The following AIFM2 variants were observed in gnomAD, a reference collection of about 807,000 sequenced individuals.
AIFM2 encodes ferroptosis suppressor protein 1.
A neutral mutation model predicts 35.7 loss-of-function variants in AIFM2; 38 were observed. The ratio of observed to expected loss-of-function variants is 1.06; its 90% CI spans 0.82 to 1.39. AIFM2 has a LOEUF of 1.39. Among genes scored for constraint, AIFM2 ranks in the 40% most tolerant of loss-of-function variants. AIFM2 has a pLI of 0.00. For synonymous variants in AIFM2, 185 were observed against 203.5 expected, an observed-to-expected ratio of 0.91 and a Z score of 0.77; for missense variants, 476 against 491.2, an observed-to-expected ratio of 0.97 and a Z score of 0.29.
intron 1 of AIFM2, among the ~76,000 whole-genome samples, chr10:70,132,272 T>G (rs1056521066): frequency 6.6e-6 from 1 of 152,184 alleles, no homozygotes; most frequent in African/African-American, 2.4e-5. Context: ...GGCACTGGGT[T>G]GACTCCAGTT....
At position 70,121,058 on chromosome 10, in the gene AIFM2, C is replaced by T. The variant is rs781480412; in HGVS notation, c.414+34G>A. On this transcript the variant is annotated intron_variant, in intron 4 of 8. Coordinates refer to ENST00000307864, the MANE Select transcript of AIFM2 (RefSeq NM_032797.6). ...TCCCCAAGGCTGTCCTTCCATCTGC[C>T]CACACTGCCCCATGCCTTCAGTGCA... 13 of 1,599,500 alleles carry T rather than the reference C, an allele frequency of 8.1e-6. No homozygotes were observed. In the South Asian group the frequency reaches 1.0e-4, roughly 12 times the overall value.
In AIFM2 at chr10:70,121,164, G is replaced by A; in HGVS notation, c.342C>T (p.Pro114=). 1.2e-6 allele frequency: 2 copies of A among 1,604,220 alleles called. No individual in the cohort carries two copies. Among genetic ancestry groups the A allele is most frequent in the Non-Finnish European group, 1.7e-6 (2 of 1,177,936 alleles). ...HLILATGSTG[P]FPGKFNEVSS... ...AAACCTCATTAAACTTGCCCGGGAAGGGCCCAGTGCTGCCCGTGGCCAGGA... is the reference window on the plus strand; with the variant it reads ...AAACCTCATTAAACTTGCCCGGGAAAGGCCCAGTGCTGCCCGTGGCCAGGA... The change falls in exon 4 of 9, where the codon CCC becomes CCT. Residue 114 remains proline (P), a synonymous_variant. Transcript: ENST00000307864.
intron 1 of AIFM2, among the ~76,000 whole-genome samples, 159 bp downstream of exon 1, chr10:70,132,575 G>A (rs2072638054): frequency 6.6e-6 from 1 of 152,178 alleles, no homozygotes; most frequent in African/African-American, 2.4e-5. Context: ...GGCCTGAGTC[G>A]AGTATCCCTC....
At chr10:70,127,528 C>T (rs549512726) in intron 1 of AIFM2, among the ~76,000 whole-genome samples, 2 of 152,268 alleles carry the variant, frequency 1.3e-5, no homozygotes, top group Admixed American at 6.5e-5. Flanking sequence ...TGACAGGGGC[C>T]GACAGACAGA....
chr10:70,115,154 T>C, intron 7 of AIFM2, 34 bp from the exon 8 acceptor site: 1 of 1,604,964 alleles, frequency 6.2e-7, no homozygotes, highest in Non-Finnish European at 8.5e-7. Context: ...ACCAAGACAC[T>C]GAGCTGCTGT....
chr10:70,119,382 G>A (rs2072472914), intron 5 of AIFM2, among the ~76,000 whole-genome samples: 1 of 152,172 alleles, frequency 6.6e-6, no homozygotes, highest in Non-Finnish European at 1.5e-5. Flanking sequence ...ACTTGCAACT[G>A]GTGTTTGAAG....
chr10:70,130,005 G>A (rs1320096203), intron 1 of AIFM2, among the ~76,000 whole-genome samples: 2 of 152,060 alleles, frequency 1.3e-5, no homozygotes, highest in East Asian at 1.9e-4. Flanking sequence ...GCAATATGGT[G>A]AAACCCCATC....
At chr10:70,123,605 G>A in intron 2 of AIFM2, 85 bp from the exon 3 acceptor site, 2 of 1,258,938 alleles carry the variant, frequency 1.6e-6, no homozygotes, top group Non-Finnish European at 2.3e-6. Context: ...TTCACGAGCT[G>A]CAAACCAACA....
At chr10:70,121,352 G>A (rs983639337) in intron 3 of AIFM2, 141 bp from the exon 4 acceptor site, 234 of 1,337,356 alleles carry the variant, frequency 1.7e-4, no homozygotes, top group Non-Finnish European at 2.1e-4. Context: ...CTAGGCACCC[G>A]AGGCAGCCCC....
At chr10:70,126,943 C>A (rs1000523973) in intron 1 of AIFM2, among the ~76,000 whole-genome samples, 18 of 152,178 alleles carry the variant, frequency 1.2e-4, no homozygotes, top group African/African-American at 4.3e-4. Flanking sequence ...GGCAGGGCCA[C>A]CCTGGCTCCT....
intron 1 of AIFM2, 22 bp downstream of exon 1, chr10:70,132,712 C>G (rs1216080101): frequency 1.3e-5 from 2 of 152,690 alleles, no homozygotes; most frequent in Non-Finnish European, 2.9e-5. Flanking sequence ...TCTCGAGAGC[C>G]CGCCTGGCGG....
Position 70,120,518 on chromosome 10 carries a change from G to C in AIFM2, c.496C>G (p.Pro166Ala), listed in dbSNP as rs776747122. ...EMAAEIKTEY[P>A]EKEVTLIHSQ... Reference sequence around the variant, plus strand: ...GCAGCCTGGCTCACCTCTTTCTCAGGATATTCTGTTTTAATCTCTGCTGCC... The same window carrying C: ...GCAGCCTGGCTCACCTCTTTCTCAGCATATTCTGTTTTAATCTCTGCTGCC... Residue 166 changes from proline (P) to alanine (A), a missense_variant, in exon 5 of 9, where the codon CCT (proline) becomes GCT (alanine). By Grantham distance (27) the Pro-to-Ala change is conservative (BLOSUM62 -1). Coordinates refer to ENST00000307864, the MANE Select transcript of AIFM2 (RefSeq NM_032797.6). 1 of 1,614,148 alleles carries C rather than the reference G, an allele frequency of 6.2e-7. No individual in the cohort carries two copies. Among genetic ancestry groups the C allele is most frequent in the Non-Finnish European group, 8.5e-7 (1 of 1,180,026 alleles).
rs61297610 is a variant in AIFM2, at chr10:70,127,922, G to C, written c.-13-3825C>G. On this transcript the variant is annotated intron_variant, in intron 1 of 8. Transcript: ENST00000307864. The stretch of plus-strand genomic sequence containing the variant: ...TCTCTCCTCTACTGACCCCTGCCAC[G>C]CTTACTTGTGGAATAGGGAGGCCAG... Among the ~76,000 whole-genome samples the C allele has an allele frequency of 5.3e-3, 810 of 152,204 alleles. 19 individuals carry two copies. The East Asian group carries it at 0.067, about 13-fold the overall frequency.
At chr10:70,132,488 G>A (rs1168718192) in intron 1 of AIFM2, among the ~76,000 whole-genome samples, 1 of 152,240 alleles carries the variant, frequency 6.6e-6, no homozygotes. Flanking sequence ...GGCCAAACCA[G>A]GAGGGTGGAG....
intron 5 of AIFM2, among the ~76,000 whole-genome samples, chr10:70,120,111 G>A (rs1189165941): frequency 6.6e-6 from 1 of 152,220 alleles, no homozygotes; most frequent in Non-Finnish European, 1.5e-5. Context: ...CAAGCTGGTT[G>A]CCAGCAAGAG....
Position 70,114,100 on chromosome 10 carries a change from C to T in AIFM2, c.*78G>A. The stretch of plus-strand genomic sequence containing the variant: ...TCCAGAAGAATAGCATTAGTTCTAG[C>T]ACTTGCCAGGCGGGTGCCATGCGCC... On this transcript the variant is annotated 3_prime_UTR_variant, in exon 9 of 9. Coordinates refer to ENST00000307864, the MANE Select transcript of AIFM2 (RefSeq NM_032797.6). 1 of 1,511,096 alleles carries T rather than the reference C, an allele frequency of 6.6e-7. No homozygotes were observed. The allele number at this position is 1,511,096 out of a possible 1,614,324, so 93.6% of individuals were successfully genotyped here.
rs769372540 is a variant in AIFM2 at position 70,117,809 on chromosome 10, T to G, written c.616+3A>C. ...GCAGGGAGGGAGGTGAGGGTGCACG[T>G]ACTCAGCAGCAGCTGCACGCCCTTC... is the stretch of plus-strand genomic sequence containing the variant. On this transcript the variant is annotated splice_donor_region_variant and intron_variant, in intron 6 of 8. Transcript: ENST00000307864. The surrounding 1 kb of genome is among the most constrained non-coding windows in gnomAD (Gnocchi z 4.7). 1 of 1,603,584 alleles carries G rather than the reference T, an allele frequency of 6.2e-7. No homozygotes were observed. The highest frequency in any genetic ancestry group is 8.5e-7 in the Non-Finnish European group (1 of 1,175,618).
In AIFM2 at chr10:70,124,091, T is replaced by G. The variant is rs368472528; in HGVS notation, c.-7A>C. 7.4e-6 allele frequency: 11 copies of G among 1,496,578 alleles called. No individual in the cohort carries two copies. The East Asian group carries it at 2.5e-4, about 34-fold the overall frequency. The allele number at this position is 1,496,578 out of a possible 1,614,324, so 92.7% of individuals were successfully genotyped here. On this transcript the variant is annotated 5_prime_UTR_variant, in exon 2 of 9. Coordinates refer to ENST00000307864, the MANE Select transcript of AIFM2 (RefSeq NM_032797.6). ...CCGAGACCTGGGACCCCATCTCAAA[T>G]CAGGCACTGCTGGGAAGAAAGAGGA...
intron 1 of AIFM2, among the ~76,000 whole-genome samples, chr10:70,127,203 T>A (rs1489910797): frequency 6.6e-6 from 1 of 152,224 alleles, no homozygotes. Flanking sequence ...GGTCTTACCC[T>A]TGGGGCTGTC....
Sources: gnomAD v4.1 joint callset for allele counts (sites outside exome capture counted in the v4.1 genomes callset) on GRCh38, gnomAD v4.1.1 for gene constraint, Gnocchi (gnomAD v3.1) non-coding constraint, MANE v1.5 for transcripts, NCBI Gene and HGNC (gene_info 2026-07-23, HGNC 2026-07-21) for gene names.